Variants in SLC12A1 observed in about 807,000 individuals in gnomAD.
SLC12A1 encodes the protein solute carrier family 12 member 1.
In SLC12A1, 89 loss-of-function variants were observed where a neutral mutation model predicts 130.4. That is an observed-to-expected ratio of 0.68 (90% CI 0.58 to 0.81). The LOEUF (loss-of-function observed/expected upper bound fraction) is 0.81. SLC12A1 is among the 40% of genes least tolerant of loss of function. The pLI is 0.00. For synonymous variants in SLC12A1, 499 were observed against 460.0 expected (o/e 1.08, Z -1.09); for missense variants, 1,310 against 1,336.4 (o/e 0.98, Z 0.31).
chr15:48,277,508 T>C (rs1356166238), intron 20 of SLC12A1, among the ~76,000 whole-genome samples: 1 of 152,102 alleles, frequency 6.6e-6, no homozygotes, highest in Non-Finnish European at 1.5e-5. Flanking sequence ...ATGGTTTAAC[T>C]GAGAATGAGA....
At chr15:48,245,627 G>T (rs557649421) in intron 11 of SLC12A1, among the ~76,000 whole-genome samples, 33 of 152,280 alleles carry the variant, frequency 2.2e-4, no homozygotes, top group South Asian at 8.3e-4. Flanking sequence ...GTGTAGTATT[G>T]CATGGTGTAT....
intron 24 of SLC12A1, among the ~76,000 whole-genome samples, chr15:48,293,176 T>C (rs1420586755): frequency 6.6e-6 from 1 of 152,230 alleles, no homozygotes; most frequent in Non-Finnish European, 1.5e-5. Flanking sequence ...CCCAAAGTGC[T>C]GGGATTACAG....
At chr15:48,270,901 T>C (rs2141092705) in intron 19 of SLC12A1, among the ~76,000 whole-genome samples, 1 of 149,378 alleles carries the variant, frequency 6.7e-6, no homozygotes, top group Middle Eastern at 3.4e-3. Flanking sequence ...AAACAAATTC[T>C]ACACATACAG....
chr15:48,228,914 T>A (rs1022630977), intron 5 of SLC12A1: 3 of 283,948 alleles, frequency 1.1e-5, no homozygotes, highest in Non-Finnish European at 1.9e-5. Context: ...GCATTTTTTG[T>A]AAATTTTGCT....
In SLC12A1 at chr15:48,302,721, ATTTTTAAATTTTTC is replaced by A. The variant is rs758834423; in HGVS notation, c.3165-28_3165-15del. ...ACTACCTATAGTAATTTTCACTTTCATTTTTAAATTTTTCCTTCATGTCATTAGGAGCCTTCCCG... is the reference window on the plus strand; with the variant it reads ...ACTACCTATAGTAATTTTCACTTTCACTTCATGTCATTAGGAGCCTTCCCG... On this transcript the variant is annotated splice_polypyrimidine_tract_variant and intron_variant, in intron 26 of 26. Transcript: ENST00000380993. The A allele has an allele frequency of 6.4e-6, 10 of 1,570,418 alleles. No individual in the cohort carries two copies. The highest frequency in any genetic ancestry group is 8.6e-6 in the Non-Finnish European group (10 of 1,157,670).
chr15:48,234,387 G>A (rs943925158), intron 8 of SLC12A1, among the ~76,000 whole-genome samples: 19 of 152,116 alleles, frequency 1.2e-4, no homozygotes, highest in African/African-American at 4.6e-4. Flanking sequence ...TTTGACTTTT[G>A]GCAAATATTA....
chr15:48,292,118 C>T (rs1023209089), intron 24 of SLC12A1, among the ~76,000 whole-genome samples: 3 of 152,332 alleles, frequency 2.0e-5, no homozygotes, highest in African/African-American at 7.2e-5. Context: ...TAGAATTGCC[C>T]TTCCTGTTCT....
At chr15:48,290,156 T>C (rs2141117544) in intron 23 of SLC12A1, among the ~76,000 whole-genome samples, 1 of 152,320 alleles carries the variant, frequency 6.6e-6, no homozygotes, top group Admixed American at 6.5e-5. Flanking sequence ...TAAATATTTT[T>C]GTTAAAAACT....
chr15:48,249,280 A>AG lies in SLC12A1; in HGVS notation c.1685-292dup, dbSNP rs11417783. On this transcript the variant is annotated intron_variant, in intron 13 of 26. Coordinates refer to ENST00000380993, the MANE Select transcript of SLC12A1 (RefSeq NM_000338.3). ...GATTAGATGCCTCCAGAAAAGCTAC[A>AG]GGGAGTTAATTGTATGCCCAGTCGC... Among the ~76,000 whole-genome samples the AG allele has an allele frequency of 0.37, 56,315 of 151,806 alleles. 14,824 individuals carry two copies. The highest frequency in any genetic ancestry group is 0.74 in the African/African-American group (30,506 of 41,312).
At chr15:48,222,606 T>C (rs1363196885) in intron 4 of SLC12A1, 1 of 152,192 alleles carries the variant, frequency 6.6e-6, no homozygotes. Flanking sequence ...TCGTTTCTTT[T>C]CTTTTTTTAA....
intron 26 of SLC12A1, among the ~76,000 whole-genome samples, chr15:48,302,537 G>A (rs376001107): frequency 1.5e-4 from 21 of 138,876 alleles, no homozygotes; most frequent in South Asian, 2.4e-4. Context: ...GGAGAATGGC[G>A]TGAACCCGGG....
chr15:48,252,231 C>G (rs1457321085), intron 15 of SLC12A1, among the ~76,000 whole-genome samples: 1 of 151,916 alleles, frequency 6.6e-6, no homozygotes, highest in Non-Finnish European at 1.5e-5. Context: ...ATAAGAATAA[C>G]AATAGTTAAC....
chr15:48,239,138 AAG>A (rs1364151804), intron 9 of SLC12A1, among the ~76,000 whole-genome samples: 1 of 152,210 alleles, frequency 6.6e-6, no homozygotes, highest in Non-Finnish European at 1.5e-5. Context: ...AACCCTTTCT[AAG>A]AGAAAGCTAG....
At position 48,269,677 on chromosome 15, in the gene SLC12A1, T is replaced by C. The variant is rs745461330; in HGVS notation, c.2315T>C (p.Met772Thr). The change falls in exon 19 of 27, where the codon ATG (methionine) becomes ACG (threonine). Residue 772 changes from methionine (M) to threonine (T), a missense_variant. Met to Thr is a moderately conservative substitution (Grantham distance 81, BLOSUM62 -1). Transcript: ENST00000380993. Reference sequence around the variant, plus strand: ...GTTTAGGCCTCAGGCTTAGGAAGAATGAAACCAAACACTCTGGTGATTGGA... The same window carrying C: ...GTTTAGGCCTCAGGCTTAGGAAGAACGAAACCAAACACTCTGGTGATTGGA... ...SLLQASGLGRMKPNTLVIGYK... is the reference protein window; with the variant it reads ...SLLQASGLGRTKPNTLVIGYK... The C allele has an allele frequency of 1.2e-6, 2 of 1,610,638 alleles. No homozygotes were observed. Among genetic ancestry groups the C allele is most frequent in the East Asian group, 2.2e-5 (1 of 44,822 alleles).
chr15:48,248,634 G>C (rs768539265), intron 13 of SLC12A1, among the ~76,000 whole-genome samples: 10 of 152,206 alleles, frequency 6.6e-5, no homozygotes, highest in Non-Finnish European at 1.5e-4. Context: ...GCATCATTGA[G>C]GGTGATAGAT....
rs2041002665 is a variant in SLC12A1 at position 48,208,027 on chromosome 15, A to G, written c.308A>G (p.His103Arg). The G allele has an allele frequency of 6.2e-7, 1 of 1,614,014 alleles. No individual in the cohort carries two copies. Among genetic ancestry groups the G allele is most frequent in the Non-Finnish European group, 8.5e-7 (1 of 1,179,904 alleles). ...TNTYYLQTFGHNTMDAVPKIE... is the reference protein window; with the variant it reads ...TNTYYLQTFGRNTMDAVPKIE... The stretch of plus-strand genomic sequence containing the variant: ...ACATACTATCTACAAACTTTTGGCC[A>G]CAACACCATGGATGCCGTTCCCAAG... Residue 103 changes from histidine (H) to arginine (R), a missense_variant, in exon 2 of 27, where the codon CAC (histidine) becomes CGC (arginine). Transcript: ENST00000380993.
intron 2 of SLC12A1, among the ~76,000 whole-genome samples, chr15:48,218,471 G>T (rs1380791539): frequency 6.6e-6 from 1 of 152,054 alleles, no homozygotes; most frequent in Non-Finnish European, 1.5e-5. Context: ...CCAAATGAGG[G>T]CAGTTTACCA....
intron 20 of SLC12A1, among the ~76,000 whole-genome samples, chr15:48,282,412 T>G (rs1225731756): frequency 6.6e-6 from 1 of 152,164 alleles, no homozygotes; most frequent in African/African-American, 2.4e-5. Context: ...GATTTATCTT[T>G]CTTTCCCTCT....
intron 19 of SLC12A1, among the ~76,000 whole-genome samples, chr15:48,274,031 G>A (rs1041520541): frequency 6.6e-6 from 1 of 152,140 alleles, no homozygotes; most frequent in East Asian, 1.9e-4. Context: ...GAAAACACAA[G>A]AGCCAGTATG....
Sources: gnomAD v4.1 joint callset for allele counts (sites outside exome capture counted in the v4.1 genomes callset) on GRCh38, gnomAD v4.1.1 for gene constraint, MANE v1.5 for transcripts, NCBI Gene and HGNC (gene_info 2026-07-23, HGNC 2026-07-21) for gene names.